The following SEC14L1 variants were observed in gnomAD, a reference collection of about 807,000 sequenced individuals.
SEC14L1 encodes SEC14-like protein 1.
In SEC14L1, 48 loss-of-function variants were observed where a neutral mutation model predicts 85.3. The observed-to-expected ratio is 0.56, with a 90% CI of 0.45 to 0.72. SEC14L1 has a LOEUF of 0.72. Among genes scored for constraint, SEC14L1 ranks in the 30% least tolerant of loss-of-function variants. SEC14L1 has a pLI of 0.00. For synonymous variants in SEC14L1, 391 were observed against 355.5 expected (o/e 1.10, Z -1.12); for missense variants, 682 against 921.4 (o/e 0.74, Z 3.36).
At chr17:77,120,421 A>G (rs1274414889) in intron 3 of SEC14L1, among the ~76,000 whole-genome samples, 2 of 151,180 alleles carry the variant, frequency 1.3e-5, no homozygotes, top group African/African-American at 4.9e-5. Flanking sequence ...CTACTCCCCA[A>G]CTAGGGAATG....
chr17:77,205,002 G>C (rs974397386), intron 10 of SEC14L1, among the ~76,000 whole-genome samples: 1 of 152,170 alleles, frequency 6.6e-6, no homozygotes, highest in African/African-American at 2.4e-5. Flanking sequence ...CCAGAGCCAG[G>C]CCCCTGCTCA....
rs749705265 is a variant in SEC14L1 at position 77,206,220 on chromosome 17, A to G, written c.1170-9A>G. ...TGTTGAATGAAACACATCTCTGCACAACCTGCAGCTCATGGACCTGCCTGG... is the reference window on the plus strand; with the variant it reads ...TGTTGAATGAAACACATCTCTGCACGACCTGCAGCTCATGGACCTGCCTGG... On this transcript the variant is annotated splice_polypyrimidine_tract_variant and intron_variant, in intron 11 of 16. Transcript: ENST00000436233. This position sits in a 1 kb window ranked among gnomAD's most constrained non-coding sequence, Gnocchi z 4.3. 6.2e-7 allele frequency: 1 copy of G among 1,612,778 alleles called. No homozygotes were observed. The highest frequency in any genetic ancestry group is 1.3e-5 in the African/African-American group (1 of 75,026).
Position 77,193,552 on chromosome 17 carries a change from G to A in SEC14L1, c.474+3G>A, listed in dbSNP as rs762330025. On this transcript the variant is annotated splice_donor_region_variant and intron_variant, in intron 6 of 16. Coordinates refer to ENST00000436233, the MANE Select transcript of SEC14L1 (RefSeq NM_001143998.2). ...AATATACCAGCAACATTAAAAAAGTGAGTGTATCTTGGGATTTTGTGGCAG... is the reference window on the plus strand; with the variant it reads ...AATATACCAGCAACATTAAAAAAGTAAGTGTATCTTGGGATTTTGTGGCAG... 5.6e-6 allele frequency: 9 copies of A among 1,605,602 alleles called. No homozygotes were observed. The highest frequency in any genetic ancestry group is 6.8e-6 in the Non-Finnish European group (8 of 1,173,802).
intron 3 of SEC14L1, among the ~76,000 whole-genome samples, chr17:77,131,562 A>G (rs563900737): frequency 7.0e-4 from 106 of 152,270 alleles, no homozygotes; most frequent in African/African-American, 2.4e-3. Flanking sequence ...GAGCCACCAC[A>G]CCCAGCTGTA....
chr17:77,158,103 T>A (rs1038763848), intron 3 of SEC14L1, among the ~76,000 whole-genome samples: 1 of 152,246 alleles, frequency 6.6e-6, no homozygotes, highest in Non-Finnish European at 1.5e-5. Flanking sequence ...TTGGCCAGAC[T>A]GGTCTCGAAC....
At chr17:77,162,022 C>T (rs117189564) in intron 3 of SEC14L1, among the ~76,000 whole-genome samples, 2,238 of 150,672 alleles carry the variant, frequency 0.015, 22 homozygotes, top group South Asian at 0.046. Context: ...TACAAATCCC[C>T]GACCCAGAAT....
chr17:77,163,735 G>C (rs1413099560), intron 3 of SEC14L1, among the ~76,000 whole-genome samples: 3 of 152,198 alleles, frequency 2.0e-5, no homozygotes, highest in Admixed American at 6.5e-5. Context: ...GGGCCACATA[G>C]ATGATGACTT....
At chr17:77,132,020 T>C (rs915612284) in intron 3 of SEC14L1, among the ~76,000 whole-genome samples, 1 of 152,166 alleles carries the variant, frequency 6.6e-6, no homozygotes, top group African/African-American at 2.4e-5. Flanking sequence ...CTGTGTTAGC[T>C]CAAGGCCACT....
At chr17:77,134,371 T>C (rs1369203206) in intron 3 of SEC14L1, among the ~76,000 whole-genome samples, 1 of 151,872 alleles carries the variant, frequency 6.6e-6, no homozygotes, top group East Asian at 1.9e-4. Context: ...TGGCTCAGCC[T>C]CCCAAGTAGC....
Position 77,206,563 on chromosome 17 carries a change from CA to C in SEC14L1, c.1342-161del. ...CAAATTGTTTAAGAAAGGGGAAAAA[CA>C]AAATGTGAGTGTCCTAATGCCATGC... On this transcript the variant is annotated intron_variant, in intron 12 of 16. Coordinates refer to ENST00000436233, the MANE Select transcript of SEC14L1 (RefSeq NM_001143998.2). This position sits in a 1 kb window ranked among gnomAD's most constrained non-coding sequence, Gnocchi z 4.3. 8.3e-7 allele frequency: 1 copy of C among 1,210,062 alleles called. No homozygotes were observed. The highest frequency in any genetic ancestry group is 1.5e-5 in the South Asian group (1 of 64,560). 75.0% of individuals were successfully genotyped at this position (1,210,062 alleles called of 1,614,324 possible). A position where few individuals can be genotyped will look rare whatever the true frequency, so the allele number is the denominator to read the frequency against.
chr17:77,105,408 G>A (rs1326558484), intron 3 of SEC14L1, among the ~76,000 whole-genome samples: 2 of 119,780 alleles, frequency 1.7e-5, no homozygotes, highest in Admixed American at 2.5e-4. Flanking sequence ...AGAGTTCAAG[G>A]AGGTCCCATT....
rs1033743606 is a variant in SEC14L1, at chr17:77,120,335, G to A, written c.-135-22311G>A. On this transcript the variant is annotated intron_variant, in intron 3 of 19. Coordinates refer to the SEC14L1 transcript ENST00000392476. Reference sequence around the variant, plus strand: ...TAGGAGCTCAGCTAGGGATTTCCTGGAGCATGTCACAACCACAGTGCCATC... The same window carrying A: ...TAGGAGCTCAGCTAGGGATTTCCTGAAGCATGTCACAACCACAGTGCCATC... Among the ~76,000 whole-genome samples, 6 of 152,158 alleles carry A rather than the reference G, an allele frequency of 3.9e-5. No individual in the cohort carries two copies. The East Asian group carries it at 1.2e-3, about 29-fold the overall frequency.
At chr17:77,123,140 C>G (rs1972345869) in intron 3 of SEC14L1, among the ~76,000 whole-genome samples, 2 of 151,284 alleles carry the variant, frequency 1.3e-5, no homozygotes, top group African/African-American at 4.9e-5. Flanking sequence ...ACCTCCGCCT[C>G]CCTGCTTCAA....
chr17:77,189,250 AAC>A (rs1263449894), intron 3 of SEC14L1, among the ~76,000 whole-genome samples: 1 of 152,138 alleles, frequency 6.6e-6, no homozygotes, highest in Non-Finnish European at 1.5e-5. Flanking sequence ...AGACACAGAG[AAC>A]AGAGAGCAGA....
chr17:77,118,176 C>T (rs539087467), intron 3 of SEC14L1, among the ~76,000 whole-genome samples: 5 of 152,356 alleles, frequency 3.3e-5, no homozygotes, highest in East Asian at 1.9e-4. Flanking sequence ...TGCGGCAGGC[C>T]GCACTGTGGA....
chr17:77,159,972 C>T (rs1195453612), intron 3 of SEC14L1, among the ~76,000 whole-genome samples: 1 of 152,170 alleles, frequency 6.6e-6, no homozygotes, highest in African/African-American at 2.4e-5. Flanking sequence ...GTGTTCAAGT[C>T]ATAGTGTTAC....
chr17:77,158,492 G>A (rs1203365395), intron 3 of SEC14L1, among the ~76,000 whole-genome samples: 1 of 152,090 alleles, frequency 6.6e-6, no homozygotes, highest in African/African-American at 2.4e-5. Context: ...TGTCTTCAAG[G>A]TTCACCCATG....
Position 77,205,307 on chromosome 17 carries a change from G to C in SEC14L1, c.1130G>C (p.Arg377Pro). 1 of 1,614,132 alleles carries C rather than the reference G, an allele frequency of 6.2e-7. No homozygotes were observed. The highest frequency in any genetic ancestry group is 8.5e-7 in the Non-Finnish European group (1 of 1,180,008). The part of the protein sequence containing the change: ...VLSINEEGLR[R>P]CEENTKVFGR... ...TCCATAAATGAAGAAGGGCTAAGGC[G>C]ATGCGAAGAGAATACAAAAGTCTTT... Residue 377 changes from arginine (R) to proline (P), a missense_variant, in exon 11 of 17, where the codon CGA becomes CCA. Coordinates refer to ENST00000436233, the MANE Select transcript of SEC14L1 (RefSeq NM_001143998.2).
chr17:77,153,147 A>C (rs1973642026), intron 3 of SEC14L1, among the ~76,000 whole-genome samples: 1 of 152,186 alleles, frequency 6.6e-6, no homozygotes, highest in Non-Finnish European at 1.5e-5. Context: ...GGCTCACTGC[A>C]ACCTCCGCCT....
Sources: gnomAD v4.1 joint callset for allele counts (sites outside exome capture counted in the v4.1 genomes callset) on GRCh38, gnomAD v4.1.1 for gene constraint, Gnocchi (gnomAD v3.1) non-coding constraint, MANE v1.5 for transcripts, NCBI Gene and HGNC (gene_info 2026-07-23, HGNC 2026-07-21) for gene names.